KIAA1328: variants seen among roughly 807,000 people sequenced by gnomAD.
The protein encoded by KIAA1328 is KIAA1328.
Under a neutral mutation model 68.1 loss-of-function variants are expected in KIAA1328, and 52 were observed. That is an observed-to-expected ratio of 0.76 (90% CI 0.61 to 0.96). KIAA1328 has a LOEUF of 0.96. Among genes scored for constraint, KIAA1328 ranks in the 40% least tolerant of loss-of-function variants. The probability of loss-of-function intolerance (pLI) is 0.00; values close to 1 mark genes in which losing one functional copy is unlikely to be tolerated. For synonymous variants in KIAA1328, 232 were observed against 239.4 expected (o/e 0.97, Z 0.28); for missense variants, 641 against 677.6 (o/e 0.95, Z 0.60).
Position 37,205,848 on chromosome 18 carries a change from G to A in KIAA1328, c.1524-16169G>A, listed in dbSNP as rs1180646672. Among the ~76,000 whole-genome samples the A allele has an allele frequency of 3.3e-5, 5 of 152,128 alleles. No homozygotes were observed. In the South Asian group the frequency reaches 6.2e-4, roughly 19 times the overall value. On this transcript the variant is annotated intron_variant, in intron 9 of 9. Transcript: ENST00000280020. ...TGAGGTCCAGCAGGGCATTAAAAGG[G>A]TATTGTCTAATATTGGGTAAAGGTT... is the stretch of plus-strand genomic sequence containing the variant.
chr18:36,879,774 C>T (rs896614640), intron 4 of KIAA1328, among the ~76,000 whole-genome samples: 2 of 152,130 alleles, frequency 1.3e-5, no homozygotes, highest in African/African-American at 2.4e-5. Context: ...GGCTTTGCTG[C>T]GTTGTGGTGG....
chr18:37,012,550 A>C (rs2054013280), intron 6 of KIAA1328, among the ~76,000 whole-genome samples: 1 of 152,226 alleles, frequency 6.6e-6, no homozygotes, highest in Non-Finnish European at 1.5e-5. Flanking sequence ...ATAGATTCCC[A>C]AATTTTATAA....
intron 3 of KIAA1328, 117 bp from the exon 4 acceptor site, chr18:36,844,091 A>G: frequency 1.6e-6 from 1 of 626,920 alleles, no homozygotes; most frequent in Non-Finnish European, 2.8e-6. Flanking sequence ...TGAAACAGGT[A>G]GATAGTGTTG....
chr18:36,965,488 A>G (rs1283032974), intron 6 of KIAA1328, among the ~76,000 whole-genome samples: 1 of 120,980 alleles, frequency 8.3e-6, no homozygotes, highest in Admixed American at 8.9e-5. Flanking sequence ...TACTAAAAAT[A>G]CACACACACA....
At chr18:36,899,104 G>A (rs2048952717) in intron 5 of KIAA1328, among the ~76,000 whole-genome samples, 1 of 151,880 alleles carries the variant, frequency 6.6e-6, no homozygotes, top group African/African-American at 2.4e-5. Context: ...TAAGTTTGAT[G>A]TCACCTGTGG....
rs138924585 is a variant in KIAA1328, at chr18:36,865,719, C to T, written c.333-19838C>T. 7.3e-3 allele frequency among the ~76,000 whole-genome samples: 1,104 copies of T among 152,258 alleles called. 11 individuals carry two copies. Among genetic ancestry groups the T allele is most frequent in the Non-Finnish European group, 0.011 (715 of 68,016 alleles). The stretch of plus-strand genomic sequence containing the variant: ...TCTGATGGATGCCCTCTTCTCCCTG[C>T]TTGTGTTGCAGCACACCAGTTCAGG... On this transcript the variant is annotated intron_variant, in intron 4 of 9. Transcript: ENST00000280020.
intron 3 of KIAA1328, among the ~76,000 whole-genome samples, chr18:36,842,803 A>C (rs2046904347): frequency 6.6e-6 from 1 of 151,618 alleles, no homozygotes; most frequent in Non-Finnish European, 1.5e-5. Flanking sequence ...TTCTTCCCCC[A>C]GTCTATTTGT....
At chr18:37,174,263 G>A (rs969740887) in intron 9 of KIAA1328, among the ~76,000 whole-genome samples, 3 of 151,890 alleles carry the variant, frequency 2.0e-5, no homozygotes, top group Admixed American at 6.6e-5. Flanking sequence ...TCCAAACCTC[G>A]TAATCTTAAA....
intron 4 of KIAA1328, among the ~76,000 whole-genome samples, chr18:36,872,334 A>G (rs1286811998): frequency 1.3e-5 from 2 of 152,228 alleles, no homozygotes; most frequent in Non-Finnish European, 2.9e-5. Flanking sequence ...TATCACCTCA[A>G]CCAGGACCCC....
intron 6 of KIAA1328, among the ~76,000 whole-genome samples, chr18:37,000,253 A>G (rs72888997): frequency 0.14 from 20,707 of 152,148 alleles, 1,755 homozygotes; most frequent in Admixed American, 0.18. Context: ...ATAGTAATAA[A>G]AGACAAAGAA....
intron 9 of KIAA1328, among the ~76,000 whole-genome samples, chr18:37,187,832 A>G (rs557238293): frequency 4.6e-5 from 7 of 152,244 alleles, no homozygotes; most frequent in African/African-American, 1.7e-4. Flanking sequence ...TCTCTTTCCA[A>G]TGTCCTGGAA....
At chr18:36,956,910 A>G (rs2051443372) in intron 5 of KIAA1328, among the ~76,000 whole-genome samples, 2 of 152,142 alleles carry the variant, frequency 1.3e-5, no homozygotes, top group Non-Finnish European at 2.9e-5. Flanking sequence ...AGCCTAGTCC[A>G]ATGTACCTTG....
intron 7 of KIAA1328, among the ~76,000 whole-genome samples, chr18:37,110,051 T>TA (rs562438432): frequency 0.14 from 20,032 of 142,316 alleles, 1,376 homozygotes; most frequent in Middle Eastern, 0.15. Flanking sequence ...GTCAGCTGGT[T>TA]AAAAAAAAAA....
At chr18:37,125,338 C>T (rs552523842) in intron 7 of KIAA1328, among the ~76,000 whole-genome samples, 4 of 151,966 alleles carry the variant, frequency 2.6e-5, no homozygotes, top group Non-Finnish European at 5.9e-5. Flanking sequence ...AACAAACAAC[C>T]TTGTGTGGTG....
intron 6 of KIAA1328, among the ~76,000 whole-genome samples, chr18:37,058,293 T>C (rs774094803): frequency 2.0e-5 from 3 of 152,188 alleles, no homozygotes; most frequent in Admixed American, 6.5e-5. Context: ...CTCTGCAAGA[T>C]AGGTATAAAA....
chr18:36,961,033 T>C (rs892861411), intron 6 of KIAA1328, among the ~76,000 whole-genome samples: 21 of 152,168 alleles, frequency 1.4e-4, no homozygotes, highest in African/African-American at 4.8e-4. Context: ...TAAAGGAGCA[T>C]GTTCTAACCC....
At chr18:36,902,335 C>T (rs555538327) in intron 5 of KIAA1328, 2 of 152,124 alleles carry the variant, frequency 1.3e-5, no homozygotes, top group East Asian at 3.9e-4. Context: ...ATACCATTTA[C>T]ATTTTTTCTC....
chr18:37,040,807 A>C (rs2055215831), intron 6 of KIAA1328, among the ~76,000 whole-genome samples: 1 of 151,584 alleles, frequency 6.6e-6, no homozygotes. Context: ...CTTCCTTTTC[A>C]ATCCATGATT....
chr18:37,165,347 G>A (rs2059364746), intron 8 of KIAA1328, among the ~76,000 whole-genome samples: 1 of 152,010 alleles, frequency 6.6e-6, no homozygotes, highest in South Asian at 2.1e-4. Flanking sequence ...ACCTTATAAG[G>A]AAAAGATAGT....
Sources: gnomAD v4.1 joint callset for allele counts (sites outside exome capture counted in the v4.1 genomes callset) on GRCh38, gnomAD v4.1.1 for gene constraint, MANE v1.5 for transcripts, NCBI Gene and HGNC (gene_info 2026-07-23, HGNC 2026-07-21) for gene names.